CLCN5: variants seen among roughly 807,000 people sequenced by gnomAD.
The protein encoded by CLCN5 is H(+)/Cl(-) exchange transporter 5.
Under a neutral mutation model 54.0 loss-of-function variants are expected in CLCN5, and 17 were observed. The observed-to-expected ratio is 0.31, with a 90% CI of 0.22 to 0.47. The LOEUF (loss-of-function observed/expected upper bound fraction) is 0.47. Among genes scored for constraint, CLCN5 ranks in the 20% least tolerant of loss-of-function variants. The probability of loss-of-function intolerance (pLI) is 1.00; values close to 1 mark genes in which losing one functional copy is unlikely to be tolerated. For missense variants in CLCN5, 448 were observed against 646.7 expected (o/e 0.69, Z 3.33); for synonymous variants, 222 against 233.0 (o/e 0.95, Z 0.43).
chrX:50,082,988 A>T (rs1199716087), intron 9 of CLCN5, among the ~76,000 whole-genome samples: 2 of 110,978 alleles, frequency 1.8e-5, no homozygotes, highest in African/African-American at 3.3e-5. Context: ...TGCTGTTTTG[A>T]GGAGGAAGGA....
intron 6 of CLCN5, 105 bp from the exon 7 acceptor site, chrX:50,075,690 A>T: frequency 2.9e-5 from 19 of 663,502 alleles, no homozygotes; most frequent in Non-Finnish European, 4.5e-5. Flanking sequence ...TGTTACTTTG[A>T]TTCCTTTCCC....
At chrX:49,952,555 G>T (rs781863092) in intron 3 of CLCN5, among the ~76,000 whole-genome samples, 197 of 108,657 alleles carry the variant, frequency 1.8e-3, no homozygotes, top group Non-Finnish European at 3.2e-3. Context: ...CATTAACATA[G>T]AATATGATTC....
Position 49,942,560 on chromosome X carries a change from CT to C in CLCN5, c.16+17247del, listed in dbSNP as rs781945973. On this transcript the variant is annotated intron_variant, in intron 3 of 14. Transcript: ENST00000376091. ...TAATGGTATCCCTCCCCCCTCCCCC[CT>C]ACCCCACGACAGGCCCCGGTGTGTG... is the stretch of plus-strand genomic sequence containing the variant. Among the ~76,000 whole-genome samples the C allele has an allele frequency of 8.9e-5, 9 of 101,195 alleles. No homozygotes were observed. In the East Asian group the frequency reaches 2.2e-3, roughly 25 times the overall value. The allele number at this position is 101,195 out of a possible 115,157, so 87.9% of individuals were successfully genotyped here.
chrX:50,003,105 T>A, intron 3 of CLCN5: 1 of 361,135 alleles, frequency 2.8e-6, no homozygotes, highest in Non-Finnish European at 5.6e-6. Flanking sequence ...GTCCAAGGCA[T>A]CTGGGATACG....
chrX:49,970,437 GCACTCTACCAC>G (rs1928150029), intron 3 of CLCN5, among the ~76,000 whole-genome samples: 1 of 110,726 alleles, frequency 9.0e-6, no homozygotes, highest in Non-Finnish European at 1.9e-5. Flanking sequence ...CCGCACCTGA[GCACTCTACCAC>G]CACTAATCTA....
chrX:50,075,633 A>G, intron 6 of CLCN5, among the ~76,000 whole-genome samples, 162 bp from the exon 7 acceptor site: 1 of 111,549 alleles, frequency 9.0e-6, no homozygotes, highest in Non-Finnish European at 1.9e-5. Flanking sequence ...AAGCAAACAC[A>G]CAATGAGAAA....
chrX:50,033,831 G>T (rs1266567259), intron 3 of CLCN5, among the ~76,000 whole-genome samples: 2 of 111,568 alleles, frequency 1.8e-5, no homozygotes, highest in Admixed American at 9.5e-5. Context: ...CTCTTTAAGG[G>T]TCCTCAGTAA....
At chrX:50,082,521 C>T (rs1375766362) in intron 9 of CLCN5, among the ~76,000 whole-genome samples, 3 of 110,054 alleles carry the variant, frequency 2.7e-5, no homozygotes, top group Non-Finnish European at 3.8e-5. Context: ...CTATGTTGCC[C>T]AGGCTAGTCT....
At chrX:50,047,444 G>A (rs1046011713) in intron 4 of CLCN5, among the ~76,000 whole-genome samples, 1 of 111,493 alleles carries the variant, frequency 9.0e-6, no homozygotes, top group Non-Finnish European at 1.9e-5. Context: ...TAATATGCTG[G>A]ATCTTTAAAA....
In CLCN5 at chrX:49,988,414, T is replaced by C. The variant is rs781850690; in HGVS notation, c.17-53902T>C. On this transcript the variant is annotated intron_variant, in intron 3 of 14. Coordinates refer to ENST00000376091, the MANE Select transcript of CLCN5 (RefSeq NM_001127898.4). ...ATTCTTTATGTGACTTCCTTATTTA[T>C]GAACCTAGGGTGACTTTCCAGTGCT... 1.9e-4 allele frequency among the ~76,000 whole-genome samples: 21 copies of C among 111,781 alleles called. No homozygotes were observed. The East Asian group carries it at 5.7e-3, about 30-fold the overall frequency.
At chrX:50,062,008 C>T (rs1447073868) in intron 4 of CLCN5, among the ~76,000 whole-genome samples, 9 of 95,491 alleles carry the variant, frequency 9.4e-5, no homozygotes, top group South Asian at 5.3e-4. Context: ...CTGAAGGAAG[C>T]GCTAAACATG....
intron 2 of CLCN5, among the ~76,000 whole-genome samples, chrX:49,924,619 G>A (rs1401490975): frequency 3.6e-5 from 4 of 111,499 alleles, no homozygotes; most frequent in Non-Finnish European, 5.6e-5. Context: ...AGCAATATAC[G>A]CTCACTATAG....
At chrX:49,980,331 C>A (rs1282794445) in intron 3 of CLCN5, among the ~76,000 whole-genome samples, 1 of 110,945 alleles carries the variant, frequency 9.0e-6, no homozygotes, top group Non-Finnish European at 1.9e-5. Context: ...ATTTTAAATA[C>A]TGTAAAATAA....
intron 4 of CLCN5, among the ~76,000 whole-genome samples, chrX:50,051,191 T>G (rs1469880701): frequency 8.9e-6 from 1 of 112,222 alleles, no homozygotes; most frequent in Middle Eastern, 4.6e-3. Flanking sequence ...TTGTGTAAAT[T>G]TTTATAAAAG....
chrX:49,996,582 A>G (rs1557179700), intron 3 of CLCN5, among the ~76,000 whole-genome samples: 1 of 112,519 alleles, frequency 8.9e-6, no homozygotes, highest in African/African-American at 3.2e-5. Flanking sequence ...CTTTTAAATC[A>G]GCTCATTTTA....
At chrX:49,973,307 TTC>T (rs1928313568) in intron 3 of CLCN5, among the ~76,000 whole-genome samples, 1 of 112,089 alleles carries the variant, frequency 8.9e-6, no homozygotes, top group Middle Eastern at 4.6e-3. Flanking sequence ...TTTTTGCCAT[TTC>T]TCTGTTTTTT....
chrX:50,041,297 A>G (rs140807998), intron 3 of CLCN5, among the ~76,000 whole-genome samples: 1,754 of 111,840 alleles, frequency 0.016, 31 homozygotes, highest in African/African-American at 0.054. Flanking sequence ...ATGATTTTTG[A>G]CTAAGATTTT....
intron 3 of CLCN5, among the ~76,000 whole-genome samples, chrX:49,971,666 C>T (rs912396109): frequency 2.7e-5 from 3 of 111,590 alleles, no homozygotes; most frequent in African/African-American, 6.5e-5. Flanking sequence ...GGAGACTTAG[C>T]GGGAGGAGCT....
intron 4 of CLCN5, among the ~76,000 whole-genome samples, chrX:50,054,072 T>C (rs1932671015): frequency 9.0e-6 from 1 of 110,986 alleles, no homozygotes; most frequent in Non-Finnish European, 1.9e-5. Flanking sequence ...CCTGATGAGG[T>C]GGTGGTGAAG....
Sources: gnomAD v4.1 joint callset for allele counts (sites outside exome capture counted in the v4.1 genomes callset) on GRCh38, gnomAD v4.1.1 for gene constraint, MANE v1.5 for transcripts, NCBI Gene and HGNC (gene_info 2026-07-23, HGNC 2026-07-21) for gene names.